Variants in PCDHGB5 observed in about 807,000 individuals in gnomAD.
The protein encoded by PCDHGB5 is protocadherin gamma-B5.
In PCDHGB5, 48 loss-of-function variants were observed where a neutral mutation model predicts 62.9. The ratio of observed to expected loss-of-function variants is 0.76; its 90% CI spans 0.61 to 0.97. The LOEUF (loss-of-function observed/expected upper bound fraction) is 0.97, where lower values mean the gene tolerates loss of function less well. Ranked by LOEUF, PCDHGB5 falls within the 50% of genes least tolerant of loss-of-function variation. PCDHGB5 has a pLI of 0.00. For synonymous variants in PCDHGB5, 474 were observed against 511.2 expected, an observed-to-expected ratio of 0.93 and a Z score of 0.98; for missense variants, 1,118 against 1,198.6, an observed-to-expected ratio of 0.93 and a Z score of 0.99.
At chr5:141,449,198 A>C (rs2098631518) in intron 1 of PCDHGB5, among the ~76,000 whole-genome samples, 1 of 152,188 alleles carries the variant, frequency 6.6e-6, no homozygotes, top group Non-Finnish European at 1.5e-5. Context: ...AAGAAGTGTT[A>C]ATTCTAACTT....
At chr5:141,430,842 G>A (rs935750449) in intron 1 of PCDHGB5, 4 of 1,567,068 alleles carry the variant, frequency 2.6e-6, no homozygotes, top group Non-Finnish European at 3.4e-6. Flanking sequence ...GAGACCGGAT[G>A]CACCCAGATA....
chr5:141,405,191 C>T (rs573277021), intron 1 of PCDHGB5: 28 of 1,612,832 alleles, frequency 1.7e-5, no homozygotes, highest in South Asian at 1.6e-4. Context: ...AGATGGGGTT[C>T]GAGCTTTCCT....
intron 1 of PCDHGB5, chr5:141,405,019 T>C (rs2094597771): frequency 6.2e-7 from 1 of 1,613,860 alleles, no homozygotes; most frequent in African/African-American, 1.3e-5. Flanking sequence ...CCTCAGACCT[T>C]ACCCTCTACC....
intron 1 of PCDHGB5, among the ~76,000 whole-genome samples, chr5:141,456,288 G>A (rs371687260): frequency 1.4e-3 from 217 of 152,226 alleles, no homozygotes; most frequent in Middle Eastern, 6.8e-3. Context: ...GAAAAGGGGC[G>A]TCTAATGGAG....
At chr5:141,483,670 A>G (rs1158511173) in intron 1 of PCDHGB5, among the ~76,000 whole-genome samples, 1 of 138,404 alleles carries the variant, frequency 7.2e-6, no homozygotes, top group African/African-American at 3.1e-5. Context: ...GTGTGTGTGT[A>G]AAAGAACACA....
chr5:141,490,042 G>C lies in PCDHGB5; in HGVS notation c.2398-4765G>C. 1 of 1,614,266 alleles carries C rather than the reference G, an allele frequency of 6.2e-7. No individual in the cohort carries two copies. Among genetic ancestry groups the C allele is most frequent in the Non-Finnish European group, 8.5e-7 (1 of 1,180,038 alleles). The stretch of plus-strand genomic sequence containing the variant: ...TCTGCTGCTCCGCCTCAATGCCACT[G>C]ATCCAGACGAGGGCACCAACGGCCA... On this transcript the variant is annotated intron_variant, in intron 1 of 3. Coordinates refer to ENST00000617380, the MANE Select transcript of PCDHGB5 (RefSeq NM_018925.3). This position sits in a 1 kb window ranked among gnomAD's most constrained non-coding sequence, Gnocchi z 5.4.
At chr5:141,440,732 A>C (rs2154559008) in intron 1 of PCDHGB5, 1 of 152,346 alleles carries the variant, frequency 6.6e-6, no homozygotes, top group African/African-American at 2.4e-5. Context: ...GTGTTAGAGA[A>C]GCTGCTTGAC....
At chr5:141,475,315 A>G (rs766425496) in intron 1 of PCDHGB5, among the ~76,000 whole-genome samples, 2 of 152,182 alleles carry the variant, frequency 1.3e-5, no homozygotes, top group Non-Finnish European at 2.9e-5. Flanking sequence ...CCTGGTTCTT[A>G]AGAAATGAGA....
At chr5:141,418,746 A>G in intron 1 of PCDHGB5, 1 of 1,613,974 alleles carries the variant, frequency 6.2e-7, no homozygotes, top group Non-Finnish European at 8.5e-7. Context: ...TCTCTGGATT[A>G]CACTACAGGA....
intron 1 of PCDHGB5, among the ~76,000 whole-genome samples, chr5:141,449,680 T>C (rs2098651613): frequency 6.6e-6 from 1 of 151,546 alleles, no homozygotes; most frequent in Admixed American, 6.6e-5. Flanking sequence ...TATGTATATA[T>C]GTTTGTGTGT....
At chr5:141,402,801 G>C (rs1218765657) in intron 1 of PCDHGB5, 6 of 1,078,624 alleles carry the variant, frequency 5.6e-6, no homozygotes, top group Middle Eastern at 3.2e-4. Flanking sequence ...CACAAAACCC[G>C]GCAGATACCA....
Position 141,404,829 on chromosome 5 carries a change from T to C in PCDHGB5, c.2397+4305T>C. Reference sequence around the variant, plus strand: ...TCGGTGGGGCTGCACACAGGTGAAGTGCGCACAGCTCGGGCCCTGCTAGAT... The same window carrying C: ...TCGGTGGGGCTGCACACAGGTGAAGCGCGCACAGCTCGGGCCCTGCTAGAT... On this transcript the variant is annotated intron_variant, in intron 1 of 3. Transcript: ENST00000617380. 1.9e-6 allele frequency: 3 copies of C among 1,608,020 alleles called. No individual in the cohort carries two copies. The South Asian group carries it at 3.3e-5, about 18-fold the overall frequency.
At chr5:141,419,096 G>T in intron 1 of PCDHGB5, 9 of 1,613,918 alleles carry the variant, frequency 5.6e-6, no homozygotes, top group Non-Finnish European at 7.6e-6. Context: ...CCTGGATCGG[G>T]AGCAGACCCC....
Position 141,486,146 on chromosome 5 carries a change from G to A in PCDHGB5, c.2398-8661G>A, listed in dbSNP as rs533158692. The A allele has an allele frequency of 3.1e-6, 5 of 1,614,184 alleles. No homozygotes were observed. The highest frequency in any genetic ancestry group is 2.2e-5 in the East Asian group (1 of 44,876). The stretch of plus-strand genomic sequence containing the variant: ...TGAATTTGATGTGCGGGCTCGCGAT[G>A]GGGGTTCTCCAGCCATGGAGCAACA... On this transcript the variant is annotated intron_variant, in intron 1 of 3. Transcript: ENST00000617380. The surrounding 1 kb of genome is among the most constrained non-coding windows in gnomAD (Gnocchi z 5.0).
chr5:141,450,948 C>T (rs1250110393), intron 1 of PCDHGB5, among the ~76,000 whole-genome samples: 2 of 151,870 alleles, frequency 1.3e-5, no homozygotes, highest in East Asian at 3.9e-4. Flanking sequence ...CCTCAGCCTC[C>T]CAAGTAGCTG....
chr5:141,490,243 G>A lies in PCDHGB5; in HGVS notation c.2398-4564G>A, dbSNP rs1431165990. 1 of 1,614,238 alleles carries A rather than the reference G, an allele frequency of 6.2e-7. No individual in the cohort carries two copies. The highest frequency in any genetic ancestry group is 8.5e-7 in the Non-Finnish European group (1 of 1,180,038). The stretch of plus-strand genomic sequence containing the variant: ...ACAGCCTGCCATGGAGGGCCACTGT[G>A]TGATTCAAGTGGATGTGGGGGATGT... On this transcript the variant is annotated intron_variant, in intron 1 of 3. Coordinates refer to ENST00000617380, the MANE Select transcript of PCDHGB5 (RefSeq NM_018925.3). This position sits in a 1 kb window ranked among gnomAD's most constrained non-coding sequence, Gnocchi z 5.4.
intron 1 of PCDHGB5, among the ~76,000 whole-genome samples, chr5:141,480,274 G>A (rs111260319): frequency 6.6e-6 from 1 of 152,036 alleles, no homozygotes; most frequent in Non-Finnish European, 1.5e-5. Context: ...CATTAGCTGG[G>A]TGTGTTGGCA....
At chr5:141,473,548 C>A (rs1158305951) in intron 1 of PCDHGB5, among the ~76,000 whole-genome samples, 3 of 152,118 alleles carry the variant, frequency 2.0e-5, no homozygotes, top group South Asian at 2.1e-4. Context: ...TAATGGAAGA[C>A]CTCTATTAGG....
rs749007839 is a variant in PCDHGB5 at position 141,418,069 on chromosome 5, G to A, written c.2397+17545G>A. On this transcript the variant is annotated intron_variant, in intron 1 of 3. Coordinates refer to ENST00000617380, the MANE Select transcript of PCDHGB5 (RefSeq NM_018925.3). ...CGGCTCGCGAGCTGCGAGTGAGCGC[G>A]GAGAAGCTGCACTTCAGCGTAGACG... 1.7e-5 allele frequency: 28 copies of A among 1,613,926 alleles called. 1 individual carries two copies. The Middle Eastern group carries it at 9.9e-4, about 57-fold the overall frequency.
Sources: allele counts gnomAD v4.1 joint callset (sites outside exome capture counted in the v4.1 genomes callset), GRCh38; gene constraint gnomAD v4.1.1; non-coding constraint Gnocchi (gnomAD v3.1); transcripts MANE v1.5; gene names NCBI Gene and HGNC (gene_info 2026-07-23, HGNC 2026-07-21).